The following JUP variants were observed in gnomAD, a reference collection of about 807,000 sequenced individuals.
JUP encodes catenin (cadherin-associated protein), gamma 80kDa.
JUP carries 28 observed loss-of-function variants against 71.1 expected under a neutral mutation model. That is an observed-to-expected ratio of 0.39 (90% CI 0.29 to 0.54). The LOEUF (loss-of-function observed/expected upper bound fraction) is 0.54. Ranked by LOEUF, JUP falls within the 20% of genes least tolerant of loss-of-function variation. The pLI is 0.62. For missense variants in JUP, 869 were observed against 1,030.1 expected, an observed-to-expected ratio of 0.84 and a Z score of 2.14; for synonymous variants, 401 against 438.9, an observed-to-expected ratio of 0.91 and a Z score of 1.08.
intron 5 of JUP, 134 bp downstream of exon 5, chr17:41,767,245 C>T (rs1460094666): frequency 5.6e-6 from 4 of 709,088 alleles, no homozygotes; most frequent in East Asian, 5.4e-5. Context: ...GCAATTCAGT[C>T]GCATGATGAA....
chr17:41,775,528 T>A (rs1555608387), intron 1 of JUP, among the ~76,000 whole-genome samples: 1 of 152,220 alleles, frequency 6.6e-6, no homozygotes, highest in African/African-American at 2.4e-5. Context: ...ACCCTGGACC[T>A]GGAGTCAGAC....
At chr17:41,756,035 T>C (rs917361425) in intron 13 of JUP, 140 bp from the exon 14 acceptor site, 3 of 1,334,664 alleles carry the variant, frequency 2.2e-6, no homozygotes, top group African/African-American at 2.9e-5. Flanking sequence ...CACCAGGGCA[T>C]CTAGACTGGG....
intron 7 of JUP, 139 bp from the exon 8 acceptor site, chr17:41,763,460 C>T: frequency 1.6e-6 from 1 of 639,020 alleles, no homozygotes; most frequent in Admixed American, 2.4e-5. Flanking sequence ...TCCCTATGAC[C>T]CGCCACACCC....
intron 11 of JUP, 31 bp downstream of exon 11, chr17:41,757,603 G>C (rs781785017): frequency 6.2e-7 from 1 of 1,613,964 alleles, no homozygotes; most frequent in South Asian, 1.1e-5. Flanking sequence ...TGGGGGAGTG[G>C]GACCCAGCCT....
intron 8 of JUP, among the ~76,000 whole-genome samples, chr17:41,759,952 G>A (rs1297607571): frequency 1.3e-5 from 2 of 151,742 alleles, no homozygotes; most frequent in African/African-American, 4.8e-5. Flanking sequence ...AGTGGCTCAC[G>A]CCTGTAATCC....
At chr17:41,782,947 A>C (rs955484237) in intron 1 of JUP, among the ~76,000 whole-genome samples, 15 of 151,918 alleles carry the variant, frequency 9.9e-5, no homozygotes, top group African/African-American at 2.9e-4. Context: ...AAATACAAAA[A>C]TTAGCCTAGT....
Position 41,769,009 on chromosome 17 carries a change from A to G in JUP, c.667T>C (p.Phe223Leu), listed in dbSNP as rs568743605. 6.2e-7 allele frequency: 1 copy of G among 1,610,480 alleles called. No individual in the cohort carries two copies. The highest frequency in any genetic ancestry group is 1.7e-5 in the Admixed American group (1 of 59,518). ...AGAGCAGGGATGCCACCCGACTTGA[A>G]GATGGCGAGCAGCCCCTCCCGGTGG... ...SHHREGLLAI[F>L]KSGGIPALVR... Residue 223 changes from phenylalanine to leucine, a missense_variant, in exon 4 of 14, where the codon TTC becomes CTC. By Grantham distance (22) the Phe-to-Leu change is conservative. Coordinates refer to ENST00000393931, the MANE Select transcript of JUP (RefSeq NM_002230.4).
At chr17:41,779,700 C>G (rs1312896609) in intron 1 of JUP, among the ~76,000 whole-genome samples, 3 of 151,694 alleles carry the variant, frequency 2.0e-5, no homozygotes, top group African/African-American at 4.8e-5. Context: ...AGGTCTCGCT[C>G]TGTTGCCCAA....
At chr17:41,779,250 G>A (rs1400564232) in intron 1 of JUP, among the ~76,000 whole-genome samples, 1 of 149,524 alleles carries the variant, frequency 6.7e-6, no homozygotes, top group Non-Finnish European at 1.5e-5. Flanking sequence ...AAAAAAAAAA[G>A]AGGAAGAGAC....
chr17:41,776,698 C>A (rs2046902876), intron 1 of JUP, among the ~76,000 whole-genome samples: 1 of 152,124 alleles, frequency 6.6e-6, no homozygotes, highest in Non-Finnish European at 1.5e-5. Context: ...CAGAGCGAGA[C>A]CGTGTCTCAA....
chr17:41,756,702 T>C (rs967552150), intron 12 of JUP, among the ~76,000 whole-genome samples: 34 of 151,930 alleles, frequency 2.2e-4, no homozygotes, highest in South Asian at 4.2e-4. Context: ...ACAATCGAGA[T>C]CATCCTGGCC....
At chr17:41,756,991 C>G (rs1459132687) in intron 12 of JUP, among the ~76,000 whole-genome samples, 2 of 152,132 alleles carry the variant, frequency 1.3e-5, no homozygotes, top group Admixed American at 1.3e-4. Context: ...ATGGGGTCAC[C>G]CAGTGCCCTG....
At chr17:41,784,519 GCCAACATAATTACAATGCCCTCCCCTCCT>G (rs1389659940) in intron 1 of JUP, among the ~76,000 whole-genome samples, 14 of 152,068 alleles carry the variant, frequency 9.2e-5, no homozygotes, top group African/African-American at 3.4e-4. Context: ...TAATCATGTA[GCCAACATAATTACAATGCCCTCCCCTCCT>G]CCACCTTGGC....
At chr17:41,781,366 AAAAG>A (rs201091996) in intron 1 of JUP, among the ~76,000 whole-genome samples, 2,048 of 151,880 alleles carry the variant, frequency 0.013, 38 homozygotes, top group African/African-American at 0.046. Context: ...CAAAAAAAAA[AAAAG>A]AAAGAAAGAA....
chr17:41,783,034 T>C (rs2047246632), intron 1 of JUP, among the ~76,000 whole-genome samples: 1 of 150,864 alleles, frequency 6.6e-6, no homozygotes, highest in South Asian at 2.1e-4. Context: ...GAGGTAGACG[T>C]TACAGTGAGC....
At chr17:41,771,481 A>G (rs942544530) in intron 2 of JUP, 166 bp downstream of exon 2, 4 of 647,162 alleles carry the variant, frequency 6.2e-6, no homozygotes, top group Non-Finnish European at 8.2e-6. Context: ...AGCACCCTGA[A>G]GTAGCTGCAC....
At chr17:41,762,601 A>G (rs1462213551) in intron 8 of JUP, among the ~76,000 whole-genome samples, 5 of 151,962 alleles carry the variant, frequency 3.3e-5, no homozygotes, top group Admixed American at 3.3e-4. Flanking sequence ...AGGTCTTGCT[A>G]TGTTGTCCAG....
chr17:41,770,071 A>G (rs1916414373), intron 2 of JUP, among the ~76,000 whole-genome samples: 1 of 151,794 alleles, frequency 6.6e-6, no homozygotes, highest in East Asian at 1.9e-4. Context: ...AGGCAGCCTG[A>G]CTCAGGGGCC....
At chr17:41,762,841 A>C (rs1482540739) in intron 8 of JUP, 142 bp downstream of exon 8, 3 of 701,424 alleles carry the variant, frequency 4.3e-6, no homozygotes, top group Non-Finnish European at 7.5e-6. Context: ...TGAGGTCTAA[A>C]CTATTACACG....
Sources: allele counts gnomAD v4.1 joint callset (sites outside exome capture counted in the v4.1 genomes callset), GRCh38; gene constraint gnomAD v4.1.1; transcripts MANE v1.5; gene names NCBI Gene and HGNC (gene_info 2026-07-23, HGNC 2026-07-21).